Variants in MMP11 observed in about 807,000 individuals in gnomAD.
MMP11 encodes matrix metallopeptidase 11, also known as stromelysin-3.
Under a neutral mutation model 49.5 loss-of-function variants are expected in MMP11, and 26 were observed. That is an observed-to-expected ratio of 0.52 (90% CI 0.38 to 0.73). The LOEUF (loss-of-function observed/expected upper bound fraction) is 0.73, where lower values mean the gene tolerates loss of function less well. Among genes scored for constraint, MMP11 ranks in the 30% least tolerant of loss-of-function variants. MMP11 has a pLI of 0.00. For synonymous variants in MMP11, 265 were observed against 282.3 expected (o/e 0.94, Z 0.62); for missense variants, 624 against 671.2 (o/e 0.93, Z 0.78).
At chr22:23,781,495 T>C (rs1927633445) in intron 6 of MMP11, 86 bp downstream of exon 6, 2 of 1,288,150 alleles carry the variant, frequency 1.6e-6, no homozygotes, top group Admixed American at 4.1e-5. Context: ...GATGGATCCT[T>C]AGGGACACAG....
Position 23,772,935 on chromosome 22 carries a change from T to A in MMP11, c.65T>A (p.Leu22Gln). 8.2e-7 allele frequency: 1 copy of A among 1,215,694 alleles called. No individual in the cohort carries two copies. The highest frequency in any genetic ancestry group is 1.0e-6 in the Non-Finnish European group (1 of 973,814). The allele number at this position is 1,215,694 out of a possible 1,614,324, so 75.3% of individuals were successfully genotyped here. Reference protein sequence around the residue: ...ARALLPPMLLLLLQPPPLLAR... With the variant: ...ARALLPPMLLQLLQPPPLLAR... The stretch of plus-strand genomic sequence containing the variant: ...GCCCTCCTGCCCCCGATGCTGCTGC[T>A]GCTGCTCCAGCCGCCGCCGCTGCTG... Residue 22 changes from leucine to glutamine, a missense_variant, in exon 1 of 8, where the codon CTG becomes CAG. By Grantham distance (113) the Leu-to-Gln change is moderately radical. Coordinates refer to ENST00000215743, the MANE Select transcript of MMP11 (RefSeq NM_005940.5).
At chr22:23,777,966 G>A (rs532586223) in intron 1 of MMP11, among the ~76,000 whole-genome samples, 4 of 152,292 alleles carry the variant, frequency 2.6e-5, no homozygotes, top group South Asian at 2.1e-4. Flanking sequence ...GCGTTGGGAC[G>A]CTGATCAGAT....
In MMP11 at chr22:23,781,318, C is replaced by T. The variant is rs1927624219; in HGVS notation, c.984C>T (p.Tyr328=). The part of the protein sequence containing the change: ...RLRGGQLQPG[Y]PALASRHWQG... ...GTGGGGGCCAGCTGCAGCCCGGCTA[C>T]CCAGCATTGGCCTCTCGCCACTGGC... The change falls in exon 6 of 8, where the codon TAC becomes TAT. Residue 328 remains tyrosine, a synonymous_variant. Coordinates refer to ENST00000215743, the MANE Select transcript of MMP11 (RefSeq NM_005940.5). The T allele has an allele frequency of 1.2e-6, 2 of 1,613,332 alleles. No homozygotes were observed. Among genetic ancestry groups the T allele is most frequent in the East Asian group, 4.5e-5 (2 of 44,878 alleles).
At chr22:23,779,470 C>G (rs1201704586) in intron 2 of MMP11, 54 bp downstream of exon 2, 2 of 1,461,342 alleles carry the variant, frequency 1.4e-6, no homozygotes, top group Admixed American at 3.8e-5. Context: ...CGTGGGTAAG[C>G]CAGCTGCCCT....
chr22:23,783,359 GGA>G, intron 7 of MMP11, 50 bp from the exon 8 acceptor site: 1 of 1,603,904 alleles, frequency 6.2e-7, no homozygotes, highest in South Asian at 1.1e-5. Context: ...CTGACAGGCA[GGA>G]GTAGGGCCCA....
rs746709149 is a variant in MMP11, at chr22:23,782,449, C to T, written c.1299C>T (p.Pro433=). Residue 433 remains proline, a synonymous_variant, in exon 7 of 8, where the codon CCC becomes CCT. Transcript: ENST00000215743. ...PRRATDWRGV[P]SEIDAAFQDA... is the part of the protein sequence containing the mutation. Reference sequence around the variant, plus strand: ...GGGCCACTGACTGGAGAGGGGTGCCCTCTGAGATCGACGCTGCCTTCCAGG... The same window carrying T: ...GGGCCACTGACTGGAGAGGGGTGCCTTCTGAGATCGACGCTGCCTTCCAGG... 6.2e-7 allele frequency: 1 copy of T among 1,613,060 alleles called. No homozygotes were observed. Among genetic ancestry groups the T allele is most frequent in the Admixed American group, 1.7e-5 (1 of 59,978 alleles).
intron 7 of MMP11, 71 bp downstream of exon 7, chr22:23,782,554 G>C: frequency 6.7e-7 from 1 of 1,495,864 alleles, no homozygotes; most frequent in African/African-American, 1.4e-5. Context: ...TGGTGGCTGG[G>C]CTCCCACATG....
At chr22:23,782,157 G>A in intron 6 of MMP11, 69 bp from the exon 7 acceptor site, 1 of 1,568,976 alleles carries the variant, frequency 6.4e-7, no homozygotes, top group Non-Finnish European at 8.6e-7. Flanking sequence ...TAGGGGTCAA[G>A]CAGGTCCACA....
At chr22:23,776,510 C>T (rs973207232) in intron 1 of MMP11, among the ~76,000 whole-genome samples, 3 of 152,184 alleles carry the variant, frequency 2.0e-5, no homozygotes, top group East Asian at 1.9e-4. Context: ...AAATAGCAGG[C>T]GCTGAATAAT....
At position 23,780,606 on chromosome 22, in the gene MMP11, G is replaced by A. The variant is rs981984539; in HGVS notation, c.507G>A (p.Pro169=). ...GGTACTGGCATGGGGACGACCTGCC[G>A]TTTGATGGGCCTGGGGGCATCCTGG... The part of the protein sequence containing the change: ...FARYWHGDDL[P]FDGPGGILAH... Residue 169 remains proline (P), a synonymous_variant, in exon 4 of 8, where the codon CCG becomes CCA. Coordinates refer to ENST00000215743, the MANE Select transcript of MMP11 (RefSeq NM_005940.5). This position sits in a 1 kb window ranked among gnomAD's most constrained non-coding sequence, Gnocchi z 4.6. The A allele has an allele frequency of 1.4e-5, 22 of 1,596,442 alleles. No homozygotes were observed. The highest frequency in any genetic ancestry group is 1.7e-5 in the Non-Finnish European group (20 of 1,170,598).
rs28363630 is a variant in MMP11, at chr22:23,775,782, C to T, written c.108+2804C>T. Among the ~76,000 whole-genome samples the T allele has an allele frequency of 3.4e-4, 51 of 152,138 alleles. No homozygotes were observed. In the East Asian group the frequency reaches 9.7e-3, roughly 29 times the overall value. ...AGATTTTGTTGGGTAGCTAGAGGGGCGGTGGGTGATGGGAACTGTAGGGAC... is the reference window on the plus strand; with the variant it reads ...AGATTTTGTTGGGTAGCTAGAGGGGTGGTGGGTGATGGGAACTGTAGGGAC... On this transcript the variant is annotated intron_variant, in intron 1 of 7. Transcript: ENST00000215743.
At position 23,781,393 on chromosome 22, in the gene MMP11, C is replaced by A; in HGVS notation, c.1059C>A (p.His353Gln). 2 of 1,606,018 alleles carry A rather than the reference C, an allele frequency of 1.2e-6. No homozygotes were observed. Among genetic ancestry groups the A allele is most frequent in the Non-Finnish European group, 8.5e-7 (1 of 1,176,218 alleles). ...CTGCCTTCGAGGATGCCCAGGGCCA[C>A]ATTTGGTTCTTCCAAGGTGAGTGGG... ...VDAAFEDAQG[H>Q]IWFFQGAQYW... Residue 353 changes from histidine to glutamine, a missense_variant, in exon 6 of 8, where the codon CAC (histidine) becomes CAA (glutamine). Coordinates refer to ENST00000215743, the MANE Select transcript of MMP11 (RefSeq NM_005940.5).
intron 7 of MMP11, 106 bp downstream of exon 7, chr22:23,782,589 C>T: frequency 7.3e-7 from 1 of 1,365,442 alleles, no homozygotes; most frequent in Admixed American, 2.3e-5. Context: ...TCTGGCTCTT[C>T]ATCACAGGTC....
In MMP11 at chr22:23,782,305, C is replaced by T. The variant is rs201283473; in HGVS notation, c.1155C>T (p.Phe385=). The T allele has an allele frequency of 9.3e-6, 15 of 1,613,968 alleles. No homozygotes were observed. The South Asian group carries it at 1.3e-4, about 14-fold the overall frequency. The part of the protein sequence containing the change: ...APLTELGLVR[F]PVHAALVWGP... ...TCACCGAGCTGGGCCTGGTGAGGTTCCCGGTCCATGCTGCCTTGGTCTGGG... is the reference window on the plus strand; with the variant it reads ...TCACCGAGCTGGGCCTGGTGAGGTTTCCGGTCCATGCTGCCTTGGTCTGGG... Residue 385 remains phenylalanine (F), a synonymous_variant, in exon 7 of 8, where the codon TTC becomes TTT. Transcript: ENST00000215743.
chr22:23,777,380 C>T (rs1208495133), intron 1 of MMP11, among the ~76,000 whole-genome samples: 2 of 151,836 alleles, frequency 1.3e-5, no homozygotes, highest in Non-Finnish European at 2.9e-5. Flanking sequence ...ATCCTGGTAA[C>T]ATGGTGAAAT....
chr22:23,777,334 G>A (rs1289986636), intron 1 of MMP11, among the ~76,000 whole-genome samples: 29 of 151,632 alleles, frequency 1.9e-4, no homozygotes, highest in Admixed American at 1.7e-3. Flanking sequence ...TTGGGAGGCC[G>A]AGGCAGGCGG....
At chr22:23,773,002 C>T in intron 1 of MMP11, 24 bp downstream of exon 1, 1 of 1,175,490 alleles carries the variant, frequency 8.5e-7, no homozygotes, top group Non-Finnish European at 1.0e-6. Context: ...ACTCGCCGGC[C>T]GCTCCTCGCT....
intron 1 of MMP11, among the ~76,000 whole-genome samples, chr22:23,776,809 CTTT>C (rs539828847): frequency 2.9e-5 from 4 of 138,994 alleles, no homozygotes; most frequent in Admixed American, 1.4e-4. Flanking sequence ...GTGCTAAGTA[CTTT>C]TTTTTTTTTT....
chr22:23,774,581 T>A (rs1215044825), intron 1 of MMP11, among the ~76,000 whole-genome samples: 1 of 152,068 alleles, frequency 6.6e-6, no homozygotes, highest in East Asian at 1.9e-4. Flanking sequence ...ATAGGAAGAT[T>A]AGGTGGAAGC....
Sources: gnomAD v4.1 joint callset for allele counts (sites outside exome capture counted in the v4.1 genomes callset) on GRCh38, gnomAD v4.1.1 for gene constraint, Gnocchi (gnomAD v3.1) non-coding constraint, MANE v1.5 for transcripts, NCBI Gene and HGNC (gene_info 2026-07-23, HGNC 2026-07-21) for gene names.